TIAM1: variants seen among roughly 807,000 people sequenced by gnomAD.
TIAM1 encodes TIAM Rac1 associated GEF 1.
In TIAM1, 65 loss-of-function variants were observed where a neutral mutation model predicts 163.5. The observed-to-expected ratio is 0.40, with a 90% confidence interval of 0.33 to 0.49. The LOEUF is 0.49. Ranked by LOEUF, TIAM1 falls within the 20% of genes least tolerant of loss-of-function variation. The pLI is 0.77. For synonymous variants in TIAM1, 833 were observed against 810.1 expected (o/e 1.03, Z -0.48); for missense variants, 1,789 against 2,044.7 (o/e 0.87, Z 2.41).
intron 2 of TIAM1, among the ~76,000 whole-genome samples, chr21:31,417,359 A>G (rs2043407389): frequency 6.6e-6 from 1 of 152,118 alleles, no homozygotes; most frequent in South Asian, 2.1e-4. Context: ...ATTTAAATGG[A>G]CTCATAGTTC....
intron 2 of TIAM1, among the ~76,000 whole-genome samples, chr21:31,413,182 C>T (rs1327705310): frequency 7.2e-5 from 11 of 152,086 alleles, no homozygotes; most frequent in Non-Finnish European, 1.6e-4. Flanking sequence ...CTCCCCACAT[C>T]CACTAATTTG....
chr21:31,332,795 A>C (rs1008721090), intron 2 of TIAM1, among the ~76,000 whole-genome samples: 30 of 141,382 alleles, frequency 2.1e-4, no homozygotes, highest in African/African-American at 5.1e-4. Flanking sequence ...AATGATCTAC[A>C]AAAAAAAAAA....
Position 31,322,958 on chromosome 21 carries a change from C to T in TIAM1, c.-189+16285G>A, listed in dbSNP as rs114275220. Among the ~76,000 whole-genome samples the T allele has an allele frequency of 9.6e-3, 1,462 of 152,244 alleles. 6 individuals carry two copies. Among genetic ancestry groups the T allele is most frequent in the Middle Eastern group, 0.02 (6 of 294 alleles). ...TTCCTTGGTGGAGTCCATGGTAGAA[C>T]GCTGTAGGTGCACTTCAGGGCTCCA... On this transcript the variant is annotated intron_variant, in intron 2 of 27. Coordinates refer to ENST00000541036, the MANE Select transcript of TIAM1 (RefSeq NM_001353694.2).
At chr21:31,506,833 A>G (rs2047044432) in intron 1 of TIAM1, among the ~76,000 whole-genome samples, 3 of 152,168 alleles carry the variant, frequency 2.0e-5, no homozygotes, top group Non-Finnish European at 4.4e-5. Context: ...CAGGAGAATC[A>G]CTTTAACCGG....
At chr21:31,318,678 T>C (rs569784330) in intron 2 of TIAM1, among the ~76,000 whole-genome samples, 1 of 152,326 alleles carries the variant, frequency 6.6e-6, no homozygotes, top group East Asian at 1.9e-4. Flanking sequence ...AATAGTTCTT[T>C]TTGGCTTTGA....
At chr21:31,171,141 T>A (rs1375264466) in intron 15 of TIAM1, among the ~76,000 whole-genome samples, 1 of 151,908 alleles carries the variant, frequency 6.6e-6, no homozygotes, top group Non-Finnish European at 1.5e-5. Flanking sequence ...ATAGAATATT[T>A]GATAAATGAT....
At chr21:31,465,896 C>CG (rs2147360633) in intron 1 of TIAM1, among the ~76,000 whole-genome samples, 1 of 152,132 alleles carries the variant, frequency 6.6e-6, no homozygotes, top group South Asian at 2.1e-4. Context: ...TTAGTAGAGA[C>CG]GGGGTTTCAC....
At chr21:31,439,803 G>A (rs762653647) in intron 2 of TIAM1, among the ~76,000 whole-genome samples, 10 of 152,142 alleles carry the variant, frequency 6.6e-5, no homozygotes, top group African/African-American at 1.9e-4. Context: ...CATAATTATC[G>A]TGAAAAGAAA....
intron 13 of TIAM1, among the ~76,000 whole-genome samples, chr21:31,191,316 C>T (rs1020533738): frequency 3.3e-5 from 5 of 152,014 alleles, no homozygotes; most frequent in African/African-American, 9.7e-5. Context: ...TCACCAAGCC[C>T]GTCTAATTTT....
At position 31,395,352 on chromosome 21, in the gene TIAM1, A is replaced by G. The variant is rs1569294464; in HGVS notation, c.-368-55930T>C. ...AGAAGTGACAAATGGCCCCACACAC[A>G]GATCACTGCTTGCCTCCAGAGAGAA... On this transcript the variant is annotated intron_variant, in intron 2 of 28. Coordinates refer to the TIAM1 transcript ENST00000286827. This position sits in a 1 kb window ranked among gnomAD's most constrained non-coding sequence, Gnocchi z 7.5. Among the ~76,000 whole-genome samples, 2 of 151,112 alleles carry G rather than the reference A, an allele frequency of 1.3e-5. No homozygotes were observed. The highest frequency in any genetic ancestry group is 4.2e-4 in the South Asian group (2 of 4,790).
chr21:31,138,829 C>T (rs1011515862), intron 22 of TIAM1, among the ~76,000 whole-genome samples: 1 of 152,168 alleles, frequency 6.6e-6, no homozygotes, highest in Non-Finnish European at 1.5e-5. Context: ...CACTGGGGGT[C>T]TATTTCCTGC....
At chr21:31,138,553 T>A (rs1228588845) in intron 22 of TIAM1, among the ~76,000 whole-genome samples, 4 of 152,242 alleles carry the variant, frequency 2.6e-5, no homozygotes. Context: ...AAAATCTGAA[T>A]ATAATTTGGG....
chr21:31,120,205 T>G lies in TIAM1; in HGVS notation c.*163A>C. 1.6e-6 allele frequency: 1 copy of G among 625,382 alleles called. No homozygotes were observed. Among genetic ancestry groups the G allele is most frequent in the Non-Finnish European group, 2.7e-6 (1 of 368,798 alleles). 38.7% of individuals were successfully genotyped at this position (625,382 alleles called of 1,614,324 possible). A position where few individuals can be genotyped will look rare whatever the true frequency, so the allele number is the denominator to read the frequency against. ...CAATTCTTTCTGATGTTGTTGAAAA[T>G]GACAAAGTTGGGTGGCTACATGGCT... On this transcript the variant is annotated 3_prime_UTR_variant, in exon 28 of 28. Transcript: ENST00000541036. The surrounding 1 kb of genome is among the most constrained non-coding windows in gnomAD (Gnocchi z 4.2).
chr21:31,485,274 C>T lies in TIAM1; in HGVS notation c.-421-21239G>A, dbSNP rs182495636. On this transcript the variant is annotated intron_variant, in intron 1 of 28. Coordinates refer to the TIAM1 transcript ENST00000286827. ...GCCTCGCACACATTCCAACTGGTCC[C>T]CAGAAAGGAGTCCCAGGGGCTTCTC... Among the ~76,000 whole-genome samples the T allele has an allele frequency of 2.6e-5, 4 of 152,262 alleles. No individual in the cohort carries two copies. The South Asian group carries it at 6.2e-4, about 24-fold the overall frequency.
At chr21:31,177,357 T>C (rs2084808893) in intron 15 of TIAM1, among the ~76,000 whole-genome samples, 1 of 152,130 alleles carries the variant, frequency 6.6e-6, no homozygotes, top group Non-Finnish European at 1.5e-5. Context: ...CTATAATCCC[T>C]GCACTTTCGG....
chr21:31,165,468 G>A (rs1036121293), intron 15 of TIAM1, among the ~76,000 whole-genome samples: 2 of 151,976 alleles, frequency 1.3e-5, no homozygotes, highest in Non-Finnish European at 2.9e-5. Context: ...ACCAGAGTTC[G>A]TTTTCTCTCT....
At chr21:31,492,787 A>C (rs887001884) in intron 1 of TIAM1, among the ~76,000 whole-genome samples, 1 of 51,736 alleles carries the variant, frequency 1.9e-5, no homozygotes, top group Non-Finnish European at 3.6e-5. Flanking sequence ...ACACACACAC[A>C]CACACACACA....
chr21:31,261,765 C>T (rs2072489573), intron 4 of TIAM1, among the ~76,000 whole-genome samples: 1 of 152,142 alleles, frequency 6.6e-6, no homozygotes, highest in Admixed American at 6.5e-5. Context: ...ATCTCCTAAT[C>T]TCTTTATTTT....
intron 1 of TIAM1, among the ~76,000 whole-genome samples, chr21:31,485,649 C>T (rs966713406): frequency 6.6e-6 from 1 of 152,142 alleles, no homozygotes; most frequent in Admixed American, 6.5e-5. Context: ...ACAGCCTGCC[C>T]TCTAGAGACA....
Sources: gnomAD v4.1 joint callset for allele counts (sites outside exome capture counted in the v4.1 genomes callset) on GRCh38, gnomAD v4.1.1 for gene constraint, Gnocchi (gnomAD v3.1) non-coding constraint, MANE v1.5 for transcripts, NCBI Gene and HGNC (gene_info 2026-07-23, HGNC 2026-07-21) for gene names.